SLC25A14: variants seen among roughly 807,000 people sequenced by gnomAD.
SLC25A14 encodes the protein solute carrier family 25 member 14.
A neutral mutation model predicts 28.1 loss-of-function variants in SLC25A14; 8 were observed. The observed-to-expected ratio is 0.28, with a 90% confidence interval of 0.17 to 0.51. The LOEUF is 0.51. Among genes scored for constraint, SLC25A14 ranks in the 20% least tolerant of loss-of-function variants. SLC25A14 has a pLI of 0.97. For missense variants in SLC25A14, 135 were observed against 263.8 expected (o/e 0.51, Z 3.38); for synonymous variants, 74 against 90.6 (o/e 0.82, Z 1.04).
At chrX:130,366,163 G>A (rs2034111411) in intron 9 of SLC25A14, among the ~76,000 whole-genome samples, 1 of 112,377 alleles carries the variant, frequency 8.9e-6, no homozygotes, top group African/African-American at 3.2e-5. Flanking sequence ...AACAAATTGA[G>A]GCTAAAATAT....
At position 130,348,158 on chromosome X, in the gene SLC25A14, T is replaced by G. The variant is rs2033501444; in HGVS notation, c.318-1093T>G. Among the ~76,000 whole-genome samples, 5 of 110,956 alleles carry G rather than the reference T, an allele frequency of 4.5e-5. No individual in the cohort carries two copies. The Admixed American group carries it at 4.8e-4, about 11-fold the overall frequency. ...TCAGGTTCTGCTGAGGTCTCTTTTC[T>G]GGGTTGCAGACTGCCAAGACTTCTT... On this transcript the variant is annotated intron_variant, in intron 4 of 10. Transcript: ENST00000545805.
Position 130,354,500 on chromosome X carries a change from G to A in SLC25A14, c.498+3769G>A, listed in dbSNP as rs888382808. ...GTCACAAAGAAACTCAAAAATAAAAGGTCTCCATATACAAGTATTTATCTC... is the reference window on the plus strand; with the variant it reads ...GTCACAAAGAAACTCAAAAATAAAAAGTCTCCATATACAAGTATTTATCTC... On this transcript the variant is annotated intron_variant, in intron 6 of 10. Coordinates refer to ENST00000545805, the MANE Select transcript of SLC25A14 (RefSeq NM_001282195.2). 4.5e-5 allele frequency among the ~76,000 whole-genome samples: 5 copies of A among 112,054 alleles called. No homozygotes were observed. In the Admixed American group the frequency reaches 4.7e-4, roughly 11 times the overall value.
At chrX:130,358,264 C>T (rs2033855351) in intron 6 of SLC25A14, among the ~76,000 whole-genome samples, 1 of 111,540 alleles carries the variant, frequency 9.0e-6, no homozygotes, top group Non-Finnish European at 1.9e-5. Context: ...TGTATAATTT[C>T]TGTAACCAAC....
At chrX:130,350,844 C>T in intron 6 of SLC25A14, 113 bp downstream of exon 6, 1 of 381,103 alleles carries the variant, frequency 2.6e-6, no homozygotes, top group South Asian at 6.3e-5. Context: ...CAGTTAACTG[C>T]ATTAAGCCTC....
intron 4 of SLC25A14, among the ~76,000 whole-genome samples, chrX:130,347,140 AT>A (rs1357189494): frequency 1.8e-5 from 2 of 111,389 alleles, no homozygotes; most frequent in Non-Finnish European, 3.8e-5. Flanking sequence ...ATTAGCCATA[AT>A]TTTGTGGTTT....
intron 4 of SLC25A14, among the ~76,000 whole-genome samples, chrX:130,347,255 C>T (rs1169991432): frequency 9.0e-6 from 1 of 111,161 alleles, no homozygotes; most frequent in Non-Finnish European, 1.9e-5. Flanking sequence ...TATTGTTAAA[C>T]TATGTTACAT....
chrX:130,359,016 T>C (rs1376467250), intron 7 of SLC25A14: 1 of 1,033,061 alleles, frequency 9.7e-7, no homozygotes, highest in Admixed American at 2.9e-5. Context: ...TTGCAAGTTC[T>C]GTACTAACAC....
At chrX:130,370,005 G>A (rs1368278341) in intron 9 of SLC25A14, among the ~76,000 whole-genome samples, 2 of 111,853 alleles carry the variant, frequency 1.8e-5, no homozygotes, top group Non-Finnish European at 3.8e-5. Flanking sequence ...GTCCAGGTAA[G>A]AGATTATGAG....
rs1325252903 is a variant in SLC25A14 at position 130,341,319 on chromosome X, G to A, written c.75+966G>A. ...TCTTGAAAGGCAAGTACTGTATTTC[G>A]TACTTTTTTCTCTGTCCCATCTCAT... On this transcript the variant is annotated intron_variant, in intron 2 of 10. Coordinates refer to ENST00000545805, the MANE Select transcript of SLC25A14 (RefSeq NM_001282195.2). Among the ~76,000 whole-genome samples, 3 of 112,471 alleles carry A rather than the reference G, an allele frequency of 2.7e-5. No individual in the cohort carries two copies. In the Admixed American group the frequency reaches 2.8e-4, roughly 11 times the overall value.
At chrX:130,359,143 A>G in intron 7 of SLC25A14, 1 of 501,696 alleles carries the variant, frequency 2.0e-6, no homozygotes, top group Non-Finnish European at 3.1e-6. Context: ...ACTTGAGGTC[A>G]GAAGTTCAAG....
chrX:130,368,639 A>G (rs1447089940), intron 9 of SLC25A14, among the ~76,000 whole-genome samples: 2 of 112,816 alleles, frequency 1.8e-5, no homozygotes, highest in Non-Finnish European at 3.7e-5. Context: ...TGTTTATTGA[A>G]TGCTTATTCT....
At chrX:130,350,620 C>T in intron 5 of SLC25A14, 26 bp from the exon 6 acceptor site, 1 of 1,009,482 alleles carries the variant, frequency 9.9e-7, no homozygotes, top group Non-Finnish European at 1.4e-6. Context: ...ACAAGCAGAC[C>T]TTTCTTTTTC....
At chrX:130,346,440 A>C (rs1351090036) in intron 3 of SLC25A14, 104 bp from the exon 4 acceptor site, 3 of 656,980 alleles carry the variant, frequency 4.6e-6, no homozygotes, top group Non-Finnish European at 7.1e-6. Flanking sequence ...GTGTTATAAA[A>C]AGGACTTTGT....
chrX:130,355,607 A>G (rs1294399867), intron 6 of SLC25A14, among the ~76,000 whole-genome samples: 1 of 112,047 alleles, frequency 8.9e-6, no homozygotes. Context: ...TGCTATTGTT[A>G]CATTTAACAA....
At chrX:130,371,484 C>A in intron 9 of SLC25A14, 80 bp from the exon 10 acceptor site, 1 of 671,238 alleles carries the variant, frequency 1.5e-6, no homozygotes. Context: ...CCATAAGTTG[C>A]CCTGGGGTGG....
At chrX:130,348,053 AGACTGGGT>A (rs1174141482) in intron 4 of SLC25A14, among the ~76,000 whole-genome samples, 4 of 111,738 alleles carry the variant, frequency 3.6e-5, no homozygotes, top group African/African-American at 1.3e-4. Context: ...AAAATACCAT[AGACTGGGT>A]GACTTATAAA....
Position 130,345,256 on chromosome X carries a change from C to T in SLC25A14, c.150C>T (p.Ala50=), listed in dbSNP as rs777353425. The T allele has an allele frequency of 6.6e-5, 78 of 1,183,960 alleles. No individual in the cohort carries two copies. Among genetic ancestry groups the T allele is most frequent in the Non-Finnish European group, 8.7e-5 (76 of 871,584 alleles). Residue 50 remains alanine (A), a synonymous_variant, in exon 3 of 11, where the codon GCC becomes GCT. Coordinates refer to ENST00000545805, the MANE Select transcript of SLC25A14 (RefSeq NM_001282195.2). ...NWKPFVYGGL[A]SIVAEFGTFP... is the part of the protein sequence containing the mutation. ...AACCCTTTGTATATGGCGGCCTTGC[C>T]TCTATCGTGGCTGAGTTTGGTAAGA...
chrX:130,373,126 A>G lies in SLC25A14; in HGVS notation c.*176A>G. The G allele has an allele frequency of 2.5e-6, 1 of 403,574 alleles. No homozygotes were observed. The highest frequency in any genetic ancestry group is 6.9e-4 in the Middle Eastern group (1 of 1,447). The allele number at this position is 403,574 out of a possible 1,213,427, so 33.3% of individuals were successfully genotyped here. A position where few individuals can be genotyped will look rare whatever the true frequency, so the allele number is the denominator to read the frequency against. ...AAGTTATTTCTATGTTTGTGTTACC[A>G]TGTTAACTTTTCCCCGAGAGAAAGT... is the stretch of plus-strand genomic sequence containing the variant. On this transcript the variant is annotated 3_prime_UTR_variant, in exon 11 of 11. Transcript: ENST00000545805.
intron 7 of SLC25A14, chrX:130,359,015 C>A: frequency 9.7e-7 from 1 of 1,033,240 alleles, no homozygotes. Context: ...TTTGCAAGTT[C>A]TGTACTAACA....
Sources: gnomAD v4.1 joint callset for allele counts (sites outside exome capture counted in the v4.1 genomes callset) on GRCh38, gnomAD v4.1.1 for gene constraint, MANE v1.5 for transcripts, NCBI Gene and HGNC (gene_info 2026-07-23, HGNC 2026-07-21) for gene names.